ZNF695: variants seen among roughly 807,000 people sequenced by gnomAD.
ZNF695 encodes the protein zinc finger protein SBZF3.
ZNF695 carries 11 observed loss-of-function variants against 11.2 expected under a neutral mutation model. The ratio of observed to expected loss-of-function variants is 0.98; its 90% CI spans 0.62 to 1.62. The LOEUF is 1.62. Among genes scored for constraint, ZNF695 ranks in the 40% most tolerant of loss-of-function variants. ZNF695 has a pLI of 0.00. For missense variants in ZNF695, 559 were observed against 590.5 expected (o/e 0.95, Z 0.55); for synonymous variants, 190 against 201.4 (o/e 0.94, Z 0.48).
downstream of ZNF695, among the ~76,000 whole-genome samples, chr1:246,980,417 C>CTT (rs34908832): frequency 5.5e-4 from 70 of 127,380 alleles, no homozygotes; most frequent in African/African-American, 1.7e-3. Context: ...CCCCCTGCCA[C>CTT]TTTTTTTTTT....
intron 5 of ZNF695, among the ~76,000 whole-genome samples, chr1:246,949,148 A>T (rs1300539145): frequency 5.3e-5 from 8 of 152,202 alleles, no homozygotes; most frequent in Non-Finnish European, 8.8e-5. Context: ...AATGAAACAG[A>T]AGGACCCTGC....
chr1:246,958,214 A>G (rs1395279474), intron 5 of ZNF695, among the ~76,000 whole-genome samples: 1 of 151,750 alleles, frequency 6.6e-6, no homozygotes, highest in African/African-American at 2.4e-5. Flanking sequence ...GCACACCACC[A>G]CGCCCGGCTA....
intron 5 of ZNF695, among the ~76,000 whole-genome samples, chr1:246,957,379 T>C (rs1668027166): frequency 6.8e-6 from 1 of 147,874 alleles, no homozygotes; most frequent in Non-Finnish European, 1.5e-5. Flanking sequence ...CGAAACTCCG[T>C]CTAAAAAAAA....
intron 5 of ZNF695, among the ~76,000 whole-genome samples, chr1:246,946,399 C>T (rs1416885750): frequency 2.0e-5 from 3 of 152,228 alleles, no homozygotes; most frequent in Admixed American, 6.5e-5. Flanking sequence ...AATTCTTATG[C>T]GGTCTGATTT....
intron 4 of ZNF695, among the ~76,000 whole-genome samples, chr1:246,975,470 G>T (rs892987996): frequency 6.6e-6 from 1 of 152,140 alleles, no homozygotes; most frequent in African/African-American, 2.4e-5. Context: ...ACATATGAAC[G>T]CAGACCATTA....
chr1:246,995,962 C>T, intron 3 of ZNF695: 1 of 440,336 alleles, frequency 2.3e-6, no homozygotes, highest in South Asian at 1.6e-5. Flanking sequence ...TCTTTGCATG[C>T]CCATATTTAT....
At chr1:246,981,996 G>C (rs1449573141), downstream of ZNF695, among the ~76,000 whole-genome samples, 1 of 152,104 alleles carries the variant, frequency 6.6e-6, no homozygotes, top group Admixed American at 6.6e-5. Flanking sequence ...TCAGGCCGGG[G>C]GCAGTGGCTA....
chr1:246,946,262 G>C (rs1336252072), intron 5 of ZNF695, among the ~76,000 whole-genome samples: 1 of 151,856 alleles, frequency 6.6e-6, no homozygotes, highest in Non-Finnish European at 1.5e-5. Context: ...CTATATGACA[G>C]AGCGTCTTCT....
At position 246,987,578 on chromosome 1, in the gene ZNF695, G is replaced by C; in HGVS notation, c.937C>G (p.Gln313Glu). ...KSFKLFPYLT[Q>E]HKRIHSREKP... ...TCTCTACTATGAATTCTCTTGTGTT[G>C]AGTAAGGTATGGGAACAACTTAAAG... Residue 313 changes from glutamine (Q) to glutamate (E), a missense_variant, in exon 4 of 4, where the codon CAA becomes GAA. Gln to Glu is a conservative substitution (Grantham distance 29, BLOSUM62 2). Transcript: ENST00000339986. 1 of 1,596,252 alleles carries C rather than the reference G, an allele frequency of 6.3e-7. No individual in the cohort carries two copies. The highest frequency in any genetic ancestry group is 8.5e-7 in the Non-Finnish European group (1 of 1,173,404).
chr1:246,953,855 G>C (rs1667927044), intron 5 of ZNF695, among the ~76,000 whole-genome samples: 1 of 150,850 alleles, frequency 6.6e-6, no homozygotes, highest in Non-Finnish European at 1.5e-5. Flanking sequence ...GAACCCAGGA[G>C]ATGAAGGTTG....
At chr1:246,946,156 A>C (rs1422927645) in intron 5 of ZNF695, among the ~76,000 whole-genome samples, 1 of 152,128 alleles carries the variant, frequency 6.6e-6, no homozygotes, top group East Asian at 1.9e-4. Context: ...TGAGGCTATC[A>C]TCCTCCCGCC....
chr1:247,003,310 G>A (rs1043134887), intron 1 of ZNF695, among the ~76,000 whole-genome samples: 25 of 152,198 alleles, frequency 1.6e-4, no homozygotes, highest in Admixed American at 2.0e-4. Context: ...GTTCTTTGCA[G>A]CAACATGAAT....
intron 5 of ZNF695, among the ~76,000 whole-genome samples, chr1:246,953,711 T>C (rs992496995): frequency 2.9e-4 from 44 of 150,198 alleles, no homozygotes; most frequent in African/African-American, 1.1e-3. Flanking sequence ...TCACCTGAGG[T>C]CAGGAGTTCA....
chr1:246,963,774 G>A (rs1668221572), intron 5 of ZNF695, among the ~76,000 whole-genome samples: 3 of 152,146 alleles, frequency 2.0e-5, no homozygotes, highest in Non-Finnish European at 4.4e-5. Context: ...CACCAGCTGG[G>A]TGATCTACAA....
Position 246,987,444 on chromosome 1 carries a change from A to AGAGCTTTC in ZNF695, c.1070_1071insGAAAGCTC (p.Cys357TrpfsTer14). On this transcript the variant is annotated frameshift_variant, in exon 4 of 4. Coordinates refer to ENST00000339986, the MANE Select transcript of ZNF695 (RefSeq NM_020394.5). LOFTEE classifies it low-confidence loss of function (END_TRUNC). The stretch of plus-strand genomic sequence containing the variant: ...GTGAGCTCTGGTTAAAGGCTTTTCC[A>AGAGCTTTC]CATTCTTCACATCGGAAGGTTTTCT... 1 of 1,611,760 alleles carries AGAGCTTTC rather than the reference A, an allele frequency of 6.2e-7. No individual in the cohort carries two copies. Among genetic ancestry groups the AGAGCTTTC allele is most frequent in the Non-Finnish European group, 8.5e-7 (1 of 1,178,682 alleles).
intron 5 of ZNF695, among the ~76,000 whole-genome samples, chr1:246,957,852 C>T (rs1033673682): frequency 6.6e-6 from 1 of 150,956 alleles, no homozygotes; most frequent in Admixed American, 6.6e-5. Context: ...CAGGCTGGTC[C>T]CAAACTCCTG....
chr1:246,977,921 C>T (rs190203246), intron 4 of ZNF695, among the ~76,000 whole-genome samples: 2 of 152,250 alleles, frequency 1.3e-5, no homozygotes, highest in East Asian at 1.9e-4. Context: ...CACCTCCAGG[C>T]AATTGAATCA....
At chr1:246,958,749 C>T (rs551791607) in intron 5 of ZNF695, among the ~76,000 whole-genome samples, 147 of 152,264 alleles carry the variant, frequency 9.7e-4, no homozygotes, top group Non-Finnish European at 1.0e-3. Context: ...AGATAATACA[C>T]GATGTAACGC....
chr1:246,951,872 C>A (rs1250478804), intron 5 of ZNF695, among the ~76,000 whole-genome samples: 1 of 152,134 alleles, frequency 6.6e-6, no homozygotes, highest in Non-Finnish European at 1.5e-5. Flanking sequence ...TGCACCTTCT[C>A]CCCCCGCTCT....
Sources: gnomAD v4.1 joint callset for allele counts (sites outside exome capture counted in the v4.1 genomes callset) on GRCh38, gnomAD v4.1.1 for gene constraint, MANE v1.5 for transcripts, NCBI Gene and HGNC (gene_info 2026-07-23, HGNC 2026-07-21) for gene names.